The following MGAT4C variants were observed in gnomAD, a reference collection of about 807,000 sequenced individuals.
MGAT4C encodes MGAT4 family member C.
MGAT4C carries 19 observed loss-of-function variants against 40.1 expected under a neutral mutation model. That is an observed-to-expected ratio of 0.47 (90% CI 0.33 to 0.70). MGAT4C has a LOEUF of 0.70. Ranked by LOEUF, MGAT4C falls within the 30% of genes least tolerant of loss-of-function variation. The pLI is 0.02. For missense variants in MGAT4C, 491 were observed against 563.2 expected, an observed-to-expected ratio of 0.87 and a Z score of 1.30; for synonymous variants, 181 against 187.1, an observed-to-expected ratio of 0.97 and a Z score of 0.27.
chr12:86,774,311 C>CT (rs1257192871), intron 1 of MGAT4C, among the ~76,000 whole-genome samples: 30 of 40,084 alleles, frequency 7.5e-4, no homozygotes, highest in Admixed American at 2.5e-3. Flanking sequence ...TTCTTTCTTT[C>CT]TTTCTTTCTT....
chr12:86,254,296 A>G (rs1423965095), intron 1 of MGAT4C, among the ~76,000 whole-genome samples: 1 of 151,994 alleles, frequency 6.6e-6, no homozygotes, highest in Non-Finnish European at 1.5e-5. Context: ...CTTGCGTTGT[A>G]TAAAGTTGTC....
At chr12:86,507,679 A>G (rs1372392911) in intron 2 of MGAT4C, among the ~76,000 whole-genome samples, 1 of 152,196 alleles carries the variant, frequency 6.6e-6, no homozygotes, top group Non-Finnish European at 1.5e-5. Flanking sequence ...AGCAAGATAT[A>G]AATGTTTTTG....
At chr12:86,125,381 G>A (rs1297932157) in intron 1 of MGAT4C, among the ~76,000 whole-genome samples, 1 of 152,170 alleles carries the variant, frequency 6.6e-6, no homozygotes, top group East Asian at 1.9e-4. Context: ...AATGCTCACT[G>A]TTTATGGTGC....
intron 3 of MGAT4C, among the ~76,000 whole-genome samples, chr12:86,373,376 T>C (rs1389487068): frequency 6.6e-6 from 1 of 152,012 alleles, no homozygotes; most frequent in Non-Finnish European, 1.5e-5. Context: ...ACATTTATCA[T>C]GATTGCACAG....
At chr12:85,990,312 C>A (rs1337456255) in intron 2 of MGAT4C, among the ~76,000 whole-genome samples, 1 of 152,046 alleles carries the variant, frequency 6.6e-6, no homozygotes, top group Admixed American at 6.5e-5. Flanking sequence ...CTGATATTTT[C>A]CAACCAAAGA....
chr12:86,562,141 T>G (rs773030519), intron 2 of MGAT4C, among the ~76,000 whole-genome samples: 3 of 152,138 alleles, frequency 2.0e-5, no homozygotes, highest in Non-Finnish European at 4.4e-5. Context: ...AAAATGAAAT[T>G]CTCAGGGTTT....
At chr12:86,710,539 A>C (rs80165557) in intron 2 of MGAT4C, among the ~76,000 whole-genome samples, 4,753 of 152,188 alleles carry the variant, frequency 0.031, 122 homozygotes, top group African/African-American at 0.074. Context: ...TGTGGACTTA[A>C]TTTTCATCTG....
intron 3 of MGAT4C, among the ~76,000 whole-genome samples, chr12:86,342,057 G>C (rs1005891256): frequency 1.3e-5 from 2 of 151,902 alleles, no homozygotes; most frequent in Admixed American, 6.6e-5. Flanking sequence ...CTTCTCTCTG[G>C]GGGGGACCTC....
intron 2 of MGAT4C, among the ~76,000 whole-genome samples, chr12:86,489,804 A>C (rs1958096520): frequency 6.6e-6 from 1 of 152,208 alleles, no homozygotes; most frequent in Non-Finnish European, 1.5e-5. Context: ...GATGCGATCA[A>C]CTGGAAGAAA....
At chr12:86,079,834 T>G (rs1565952269) in intron 1 of MGAT4C, among the ~76,000 whole-genome samples, 1 of 152,002 alleles carries the variant, frequency 6.6e-6, no homozygotes, top group Non-Finnish European at 1.5e-5. Flanking sequence ...ATTCAAACAT[T>G]AAGAATAAAG....
chr12:86,028,880 C>A (rs1256959526), intron 2 of MGAT4C, among the ~76,000 whole-genome samples: 1 of 151,816 alleles, frequency 6.6e-6, no homozygotes, highest in African/African-American at 2.4e-5. Context: ...ATTACATATT[C>A]CAATTATCTA....
chr12:86,636,015 A>C (rs1200498746), intron 2 of MGAT4C, among the ~76,000 whole-genome samples: 3 of 151,520 alleles, frequency 2.0e-5, no homozygotes, highest in African/African-American at 7.3e-5. Flanking sequence ...TAGATACAAA[A>C]ATACTTGCCA....
chr12:86,024,516 T>C (rs568498611), intron 2 of MGAT4C, among the ~76,000 whole-genome samples: 2 of 151,934 alleles, frequency 1.3e-5, no homozygotes, highest in Non-Finnish European at 3.0e-5. Context: ...ATTGATTTTA[T>C]AGAAGATATA....
chr12:86,330,108 A>G (rs1249646998), intron 4 of MGAT4C, among the ~76,000 whole-genome samples: 2 of 152,168 alleles, frequency 1.3e-5, no homozygotes, highest in African/African-American at 4.8e-5. Flanking sequence ...AAACCATAGA[A>G]GCAGAAAGAT....
In MGAT4C at chr12:86,571,383, A is replaced by G. The variant is rs1408780570; in HGVS notation, c.-228-136118T>C. On this transcript the variant is annotated intron_variant, in intron 2 of 7. Transcript: ENST00000548651. ...CTTTTGTCAGCAGTATACTATATAT[A>G]GGAAGAAAGAGGTATACATAAGTGT... Among the ~76,000 whole-genome samples the G allele has an allele frequency of 2.6e-5, 4 of 152,222 alleles. No individual in the cohort carries two copies. The East Asian group carries it at 7.7e-4, about 29-fold the overall frequency.
At chr12:86,804,862 TGAC>T (rs66998483) in intron 1 of MGAT4C, among the ~76,000 whole-genome samples, 18,770 of 152,032 alleles carry the variant, frequency 0.12, 1,283 homozygotes, top group Non-Finnish European at 0.15. Flanking sequence ...AACCTATACT[TGAC>T]GAACTTTGGT....
intron 1 of MGAT4C, among the ~76,000 whole-genome samples, chr12:86,071,270 G>T (rs922477947): frequency 6.6e-6 from 1 of 151,978 alleles, no homozygotes; most frequent in Admixed American, 6.6e-5. Context: ...GTTAAAAAGG[G>T]TCATCCTGCT....
At chr12:86,266,723 C>A (rs1367804671) in intron 4 of MGAT4C, among the ~76,000 whole-genome samples, 1 of 152,048 alleles carries the variant, frequency 6.6e-6, no homozygotes, top group Non-Finnish European at 1.5e-5. Context: ...ATTAGTTCTT[C>A]ATACCTTTGG....
intron 3 of MGAT4C, among the ~76,000 whole-genome samples, chr12:86,388,124 C>T (rs1251630696): frequency 6.6e-6 from 1 of 152,004 alleles, no homozygotes; most frequent in Admixed American, 6.6e-5. Flanking sequence ...TTTATAAATG[C>T]AGTAAGAAGA....
Sources: gnomAD v4.1 joint callset for allele counts (sites outside exome capture counted in the v4.1 genomes callset) on GRCh38, gnomAD v4.1.1 for gene constraint, MANE v1.5 for transcripts, NCBI Gene and HGNC (gene_info 2026-07-23, HGNC 2026-07-21) for gene names.